Variants in TBC1D7 observed in about 807,000 individuals in gnomAD.
TBC1D7 encodes TBC1 domain family member 7, also known as TBC domain family 7.
Under a neutral mutation model 35.3 loss-of-function variants are expected in TBC1D7, and 33 were observed. The observed-to-expected ratio is 0.93, with a 90% CI of 0.71 to 1.25. The LOEUF (loss-of-function observed/expected upper bound fraction) is 1.25. Ranked by LOEUF, TBC1D7 falls within the 50% of genes most tolerant of loss-of-function variation. The pLI is 0.00. For missense variants in TBC1D7, 362 were observed against 365.3 expected, an observed-to-expected ratio of 0.99 and a Z score of 0.07; for synonymous variants, 135 against 129.5, an observed-to-expected ratio of 1.04 and a Z score of -0.29.
intron 7 of TBC1D7, 89 bp from the exon 8 acceptor site, chr6:13,305,276 C>A: frequency 8.0e-7 from 1 of 1,255,816 alleles, no homozygotes. Flanking sequence ...AATCCACTTC[C>A]ATGGGAGTTT....
intron 2 of TBC1D7, 49 bp downstream of exon 2, chr6:13,326,738 C>T: frequency 8.2e-7 from 1 of 1,223,706 alleles, no homozygotes; most frequent in Non-Finnish European, 1.2e-6. Context: ...TACTTCAGAA[C>T]ATGTGGAGTG....
At chr6:13,310,229 T>G (rs1460499029) in intron 5 of TBC1D7, among the ~76,000 whole-genome samples, 1 of 152,376 alleles carries the variant, frequency 6.6e-6, no homozygotes, top group Non-Finnish European at 1.5e-5. Context: ...TCTATTTACC[T>G]GTAACACTGT....
intron 2 of TBC1D7, among the ~76,000 whole-genome samples, chr6:13,326,216 A>C (rs1243580039): frequency 6.6e-6 from 1 of 152,196 alleles, no homozygotes; most frequent in African/African-American, 2.4e-5. Context: ...TAATCCCAGC[A>C]CTTTGGGAGG....
chr6:13,325,055 A>AT, intron 3 of TBC1D7, 39 bp downstream of exon 3: 3 of 1,466,482 alleles, frequency 2.0e-6, no homozygotes, highest in Non-Finnish European at 2.8e-6. Context: ...TTCATTCAAT[A>AT]TTTTTTAAGA....
intron 5 of TBC1D7, among the ~76,000 whole-genome samples, chr6:13,309,581 T>C (rs1783051278): frequency 1.3e-5 from 2 of 152,212 alleles, no homozygotes; most frequent in South Asian, 2.1e-4. Context: ...TGGTTTATTA[T>C]AGCCTATTAT....
intron 5 of TBC1D7, among the ~76,000 whole-genome samples, chr6:13,315,242 T>C (rs992110697): frequency 2.0e-5 from 3 of 152,154 alleles, no homozygotes; most frequent in African/African-American, 7.2e-5. Context: ...AGCAAGACCA[T>C]CCTTCCCTCC....
chr6:13,306,598 T>C (rs762789224), intron 6 of TBC1D7, 71 bp from the exon 7 acceptor site: 7 of 1,250,010 alleles, frequency 5.6e-6, no homozygotes, highest in Non-Finnish European at 7.5e-6. Context: ...CATCTCAAAT[T>C]ACAAAATAAA....
intron 4 of TBC1D7, among the ~76,000 whole-genome samples, chr6:13,318,365 GT>G (rs374696023): frequency 2.6e-5 from 4 of 152,302 alleles, no homozygotes; most frequent in African/African-American, 9.6e-5. Context: ...TGCAGTAAAG[GT>G]GTCTCAGCTT....
intron 5 of TBC1D7, among the ~76,000 whole-genome samples, chr6:13,314,004 A>G (rs1783415354): frequency 6.6e-6 from 1 of 152,164 alleles, no homozygotes; most frequent in Non-Finnish European, 1.5e-5. Context: ...GGCGGATCAC[A>G]AGGTCAGATC....
At chr6:13,326,594 T>G (rs1784420468) in intron 2 of TBC1D7, among the ~76,000 whole-genome samples, 193 bp downstream of exon 2, 1 of 152,172 alleles carries the variant, frequency 6.6e-6, no homozygotes, top group Admixed American at 6.5e-5. Flanking sequence ...TTAAGAAACC[T>G]TTCAAAAACT....
At chr6:13,316,772 A>G in intron 4 of TBC1D7, 64 bp from the exon 5 acceptor site, 1 of 1,567,592 alleles carries the variant, frequency 6.4e-7, no homozygotes, top group Non-Finnish European at 8.6e-7. Flanking sequence ...TATTTCTTTA[A>G]TAAAAAATGA....
At chr6:13,322,139 G>A (rs150261018) in intron 3 of TBC1D7, among the ~76,000 whole-genome samples, 1,737 of 152,142 alleles carry the variant, frequency 0.011, 17 homozygotes, top group South Asian at 0.038. Context: ...TACCCGGGAG[G>A]CTGAAGTGGG....
intron 3 of TBC1D7, among the ~76,000 whole-genome samples, chr6:13,322,838 C>CT (rs1351924174): frequency 1.3e-5 from 2 of 152,212 alleles, no homozygotes; most frequent in East Asian, 3.8e-4. Context: ...CCTCATCACC[C>CT]TGCTAGAGGC....
intron 3 of TBC1D7, chr6:13,323,782 A>G (rs1784214994): frequency 6.6e-6 from 1 of 152,248 alleles, no homozygotes; most frequent in Non-Finnish European, 1.5e-5. Flanking sequence ...TCAAGCCCTG[A>G]AAAGATACTA....
At chr6:13,325,049 T>G in intron 3 of TBC1D7, 45 bp downstream of exon 3, 1 of 1,417,738 alleles carries the variant, frequency 7.1e-7, no homozygotes, top group Non-Finnish European at 9.9e-7. Flanking sequence ...GATCCCTTCA[T>G]TCAATATTTT....
Position 13,307,584 on chromosome 6 carries a change from C to G in TBC1D7, c.665+16G>C. ...TAACGCCAAGCCTTCAATATGTCTT[C>G]GAAAGACCTACTTGCCTCTGTAAAC... is the stretch of plus-strand genomic sequence containing the variant. On this transcript the variant is annotated intron_variant, in intron 6 of 7. Coordinates refer to ENST00000379300, the MANE Select transcript of TBC1D7 (RefSeq NM_016495.6). 6.2e-7 allele frequency: 1 copy of G among 1,613,622 alleles called. No homozygotes were observed. The highest frequency in any genetic ancestry group is 8.5e-7 in the Non-Finnish European group (1 of 1,179,740).
intron 5 of TBC1D7, among the ~76,000 whole-genome samples, chr6:13,310,222 A>G (rs61026338): frequency 2.2e-3 from 338 of 152,380 alleles, no homozygotes; most frequent in African/African-American, 7.9e-3. Context: ...GCACAAGTCT[A>G]TTTACCTGTA....
In TBC1D7 at chr6:13,316,519, C is replaced by T. The variant is rs1028334362; in HGVS notation, c.519+52G>A. On this transcript the variant is annotated intron_variant, in intron 5 of 7. Coordinates refer to ENST00000379300, the MANE Select transcript of TBC1D7 (RefSeq NM_016495.6). ...GAGGTAAGAGCACTCCCTGAAGACC[C>T]CCACTACCATTGTTCACTCTCCAAT... The T allele has an allele frequency of 6.3e-6, 10 of 1,582,998 alleles. No individual in the cohort carries two copies. The African/African-American group carries it at 9.7e-5, about 15-fold the overall frequency.
chr6:13,319,885 G>A (rs898799717), intron 4 of TBC1D7: 2 of 152,046 alleles, frequency 1.3e-5, no homozygotes, highest in African/African-American at 2.4e-5. Flanking sequence ...AATTACAAAG[G>A]GAAAAGTAAA....
Sources: allele counts gnomAD v4.1 joint callset (sites outside exome capture counted in the v4.1 genomes callset), GRCh38; gene constraint gnomAD v4.1.1; transcripts MANE v1.5; gene names NCBI Gene and HGNC (gene_info 2026-07-23, HGNC 2026-07-21).